Variants in DLG2 observed in about 807,000 individuals in gnomAD.
DLG2 encodes discs large MAGUK scaffold protein 2.
Under a neutral mutation model 132.5 loss-of-function variants are expected in DLG2, and 45 were observed. The observed-to-expected ratio is 0.34, with a 90% CI of 0.27 to 0.44. DLG2 has a LOEUF of 0.44. Among genes scored for constraint, DLG2 ranks in the 20% least tolerant of loss-of-function variants. The pLI, the probability that DLG2 is intolerant of heterozygous loss-of-function variation, is 1.00. For synonymous variants in DLG2, 424 were observed against 419.6 expected (o/e 1.01, Z -0.13); for missense variants, 1,045 against 1,196.9 (o/e 0.87, Z 1.87).
At position 84,312,838 on chromosome 11, in the gene DLG2, T is replaced by C. The variant is rs191543726; in HGVS notation, c.520-61547A>G. ...TAGTAGTATTATTTTCAAGATGGAG[T>C]CTTGCTCTGTCACCAGGCTGAAGTG... On this transcript the variant is annotated intron_variant, in intron 7 of 27. Transcript: ENST00000376104. Among the ~76,000 whole-genome samples the C allele has an allele frequency of 2.3e-3, 348 of 152,226 alleles. 1 individual carries two copies. The highest frequency in any genetic ancestry group is 8.0e-3 in the African/African-American group (334 of 41,540).
intron 10 of DLG2, among the ~76,000 whole-genome samples, chr11:84,076,999 CAT>C (rs1193168129): frequency 6.6e-6 from 1 of 152,172 alleles, no homozygotes; most frequent in African/African-American, 2.4e-5. Flanking sequence ...TCCATCAATT[CAT>C]GTCTTTTTAA....
intron 3 of DLG2, among the ~76,000 whole-genome samples, chr11:85,296,736 G>A (rs2079246328): frequency 6.6e-6 from 1 of 151,256 alleles, no homozygotes. Context: ...TCCAGTAAGT[G>A]ACAGCTGATG....
chr11:85,442,546 G>C (rs1240044620), intron 3 of DLG2, among the ~76,000 whole-genome samples: 1 of 152,020 alleles, frequency 6.6e-6, no homozygotes, highest in Non-Finnish European at 1.5e-5. Context: ...AGAAATAAAA[G>C]GATAGCAAAA....
intron 11 of DLG2, among the ~76,000 whole-genome samples, chr11:84,054,025 T>C (rs2096454263): frequency 6.6e-6 from 1 of 152,088 alleles, no homozygotes; most frequent in Non-Finnish European, 1.5e-5. Flanking sequence ...CTCTTTCAGT[T>C]TTTATTAATG....
At chr11:84,715,003 T>C (rs1326236760) in intron 6 of DLG2, among the ~76,000 whole-genome samples, 3 of 151,924 alleles carry the variant, frequency 2.0e-5, no homozygotes, top group Non-Finnish European at 4.4e-5. Context: ...AGAAGAAAGG[T>C]AGGTTGCTTT....
At chr11:85,409,220 A>G (rs2089082085) in intron 3 of DLG2, among the ~76,000 whole-genome samples, 1 of 151,898 alleles carries the variant, frequency 6.6e-6, no homozygotes, top group South Asian at 2.1e-4. Flanking sequence ...GGTACAGAGT[A>G]ATTAACCCCA....
chr11:85,449,690 G>A (rs1232082446), intron 3 of DLG2, among the ~76,000 whole-genome samples: 5 of 151,566 alleles, frequency 3.3e-5, no homozygotes, highest in African/African-American at 1.2e-4. Context: ...CTGTTTTTAG[G>A]TAACTCCATG....
intron 3 of DLG2, among the ~76,000 whole-genome samples, chr11:85,451,952 G>A (rs1428299221): frequency 1.3e-5 from 2 of 152,072 alleles, no homozygotes; most frequent in Non-Finnish European, 2.9e-5. Flanking sequence ...GCTTTTGCAT[G>A]TTGAGTAGCT....
intron 6 of DLG2, among the ~76,000 whole-genome samples, chr11:84,719,633 A>G (rs954676984): frequency 2.6e-5 from 4 of 152,306 alleles, no homozygotes; most frequent in African/African-American, 7.2e-5. Context: ...AAAACCTTCA[A>G]ACCTCATTTC....
intron 4 of DLG2, among the ~76,000 whole-genome samples, chr11:85,230,486 C>T (rs1053576832): frequency 5.9e-5 from 9 of 151,528 alleles, no homozygotes; most frequent in South Asian, 2.1e-4. Context: ...TTTCGAAAGA[C>T]GTGTTTATGG....
chr11:83,749,309 G>T (rs2093148060), intron 18 of DLG2, among the ~76,000 whole-genome samples: 1 of 152,160 alleles, frequency 6.6e-6, no homozygotes, highest in African/African-American at 2.4e-5. Context: ...TAAAAGAGAT[G>T]TCCATTCAAA....
chr11:84,998,476 T>A (rs1255673134), intron 6 of DLG2, among the ~76,000 whole-genome samples: 1 of 152,134 alleles, frequency 6.6e-6, no homozygotes, highest in African/African-American at 2.4e-5. Flanking sequence ...CTTTATAAAT[T>A]ACCATCTTGG....
intron 6 of DLG2, among the ~76,000 whole-genome samples, chr11:84,860,192 C>G (rs566883981): frequency 1.9e-4 from 29 of 152,222 alleles, no homozygotes; most frequent in African/African-American, 6.5e-4. Flanking sequence ...GGCTCATAAG[C>G]TAGTGCTAAA....
chr11:84,405,467 T>C (rs1263181402), intron 7 of DLG2, among the ~76,000 whole-genome samples: 1 of 152,194 alleles, frequency 6.6e-6, no homozygotes, highest in Admixed American at 6.5e-5. Flanking sequence ...ATGTAGAATA[T>C]TGTATGATTG....
At chr11:84,316,947 ACCCCCCGGTCCTGTTTGAAGCTGGG>A in intron 7 of DLG2, 2 of 1,612,216 alleles carry the variant, frequency 1.2e-6, no homozygotes, top group Non-Finnish European at 1.7e-6. Flanking sequence ...TTGAAGCTGG[ACCCCCCGGTCCTGTTTGAAGCTGGG>A]CCCCCTGGTC....
intron 3 of DLG2, among the ~76,000 whole-genome samples, chr11:85,348,159 T>C (rs1044475080): frequency 2.0e-5 from 3 of 151,168 alleles, no homozygotes; most frequent in African/African-American, 7.3e-5. Flanking sequence ...CTAATTTTTG[T>C]ACTTTTTAGT....
At chr11:84,536,939 T>C (rs1774054769) in intron 6 of DLG2, among the ~76,000 whole-genome samples, 1 of 152,128 alleles carries the variant, frequency 6.6e-6, no homozygotes, top group Non-Finnish European at 1.5e-5. Context: ...GGGTTGCCCG[T>C]TTCCCATAAA....
chr11:85,172,823 C>T (rs191544468), intron 4 of DLG2, among the ~76,000 whole-genome samples: 58 of 152,034 alleles, frequency 3.8e-4, no homozygotes, highest in East Asian at 2.9e-3. Flanking sequence ...TGTTACAATG[C>T]GACCACAAGT....
At chr11:84,491,143 G>A (rs767146670) in intron 7 of DLG2, among the ~76,000 whole-genome samples, 5 of 151,972 alleles carry the variant, frequency 3.3e-5, no homozygotes, top group Non-Finnish European at 7.4e-5. Context: ...AGGGGAAATC[G>A]GAAGCCAGGT....
Sources: allele counts gnomAD v4.1 joint callset (sites outside exome capture counted in the v4.1 genomes callset), GRCh38; gene constraint gnomAD v4.1.1; transcripts MANE v1.5; gene names NCBI Gene and HGNC (gene_info 2026-07-23, HGNC 2026-07-21).